Variants in NXPE4 observed in about 807,000 individuals in gnomAD.
NXPE4 encodes the protein neurexophilin and PC-esterase domain family member 4.
NXPE4 carries 42 observed loss-of-function variants against 33.3 expected under a neutral mutation model. The ratio of observed to expected loss-of-function variants is 1.26; its 90% CI spans 0.98 to 1.63. The LOEUF (loss-of-function observed/expected upper bound fraction) is 1.63. Among genes scored for constraint, NXPE4 ranks in the 40% most tolerant of loss-of-function variants. NXPE4 has a pLI of 0.00. For missense variants in NXPE4, 709 were observed against 647.6 expected, an observed-to-expected ratio of 1.09 and a Z score of -1.03; for synonymous variants, 253 against 234.9, an observed-to-expected ratio of 1.08 and a Z score of -0.71.
At chr11:114,599,920 GA>G (rs1310529785), upstream of NXPE4, among the ~76,000 whole-genome samples, 1 of 151,724 alleles carries the variant, frequency 6.6e-6, no homozygotes, top group Non-Finnish European at 1.5e-5. Flanking sequence ...ATAACCCATG[GA>G]ATTAAAAAAA....
the NXPE4 span, among the ~76,000 whole-genome samples, chr11:114,615,989 G>A: frequency 1.3e-5 from 2 of 149,990 alleles, no homozygotes; most frequent in Non-Finnish European, 3.0e-5. Context: ...TCGTGGAAAA[G>A]CACTGTGACC....
At chr11:114,608,789 T>G in the NXPE4 span, among the ~76,000 whole-genome samples, 3 of 142,068 alleles carry the variant, frequency 2.1e-5, no homozygotes, top group African/African-American at 5.3e-5. Context: ...ACGGTTACCC[T>G]GTGGAAAATA....
chr11:114,603,133 T>A, the NXPE4 span, among the ~76,000 whole-genome samples: 1 of 151,964 alleles, frequency 6.6e-6, no homozygotes, highest in Non-Finnish European at 1.5e-5. Context: ...ATCTAGTGGA[T>A]AATAATTATT....
the NXPE4 span, among the ~76,000 whole-genome samples, chr11:114,664,734 A>G: frequency 3.9e-5 from 6 of 152,308 alleles, no homozygotes; most frequent in Admixed American, 3.3e-4. Context: ...CGTACTTCCA[A>G]TTTTGAATTT....
the NXPE4 span, among the ~76,000 whole-genome samples, chr11:114,644,016 T>C: frequency 1.3e-5 from 2 of 152,102 alleles, no homozygotes; most frequent in African/African-American, 2.4e-5. Context: ...TTTTATTCTC[T>C]TTGCAGCAAT....
At chr11:114,670,344 C>A in the NXPE4 span, among the ~76,000 whole-genome samples, 1 of 151,972 alleles carries the variant, frequency 6.6e-6, no homozygotes, top group African/African-American at 2.4e-5. Flanking sequence ...GGAGCAATAT[C>A]AGAGACTATG....
In NXPE4 at chr11:114,575,991, A is replaced by G. The variant is rs370361160; in HGVS notation, c.1099+4141T>C. Among the ~76,000 whole-genome samples the G allele has an allele frequency of 1.1e-4, 16 of 152,352 alleles. No homozygotes were observed. In the South Asian group the frequency reaches 3.1e-3, roughly 30 times the overall value. ...GTCACTGAAACAGCATGGTACTGGC[A>G]TAAAAATAGGCACATAGACCAATGG... On this transcript the variant is annotated intron_variant, in intron 5 of 5. Coordinates refer to ENST00000375478, the MANE Select transcript of NXPE4 (RefSeq NM_001077639.2).
intron 5 of NXPE4, among the ~76,000 whole-genome samples, chr11:114,575,963 A>G (rs1290709546): frequency 6.6e-6 from 1 of 152,224 alleles, no homozygotes; most frequent in East Asian, 1.9e-4. Flanking sequence ...CTATAAGGCC[A>G]TAGTCACTGA....
At chr11:114,627,551 G>A in the NXPE4 span, among the ~76,000 whole-genome samples, 1 of 150,784 alleles carries the variant, frequency 6.6e-6, no homozygotes, top group Non-Finnish European at 1.5e-5. Flanking sequence ...ACCGGTACCA[G>A]CCACTGCAAA....
At chr11:114,588,056 A>G (rs1016576856) in intron 2 of NXPE4, among the ~76,000 whole-genome samples, 10 of 152,170 alleles carry the variant, frequency 6.6e-5, no homozygotes, top group African/African-American at 2.4e-4. Flanking sequence ...GCATTGCACA[A>G]TCAGCTCAGC....
chr11:114,594,009 G>C (rs1436617958), intron 2 of NXPE4, among the ~76,000 whole-genome samples: 1 of 152,070 alleles, frequency 6.6e-6, no homozygotes, highest in Non-Finnish European at 1.5e-5. Context: ...GTAGAATGAT[G>C]GCTACCAGAG....
the NXPE4 span, among the ~76,000 whole-genome samples, chr11:114,624,649 C>A: frequency 6.6e-6 from 1 of 151,954 alleles, no homozygotes. Context: ...ATAAGTATTG[C>A]CTTGTGGGTA....
the NXPE4 span, among the ~76,000 whole-genome samples, chr11:114,627,000 C>T: frequency 6.6e-5 from 10 of 151,924 alleles, no homozygotes; most frequent in South Asian, 6.3e-4. Context: ...ACAAAGCCTC[C>T]GAGAAATATG....
chr11:114,647,624 T>C, the NXPE4 span, among the ~76,000 whole-genome samples: 4 of 152,150 alleles, frequency 2.6e-5, no homozygotes, highest in Admixed American at 2.0e-4. Flanking sequence ...TTTCAGCTTC[T>C]GGATTATATA....
chr11:114,574,971 G>A (rs1223664813), intron 5 of NXPE4, among the ~76,000 whole-genome samples: 1 of 151,980 alleles, frequency 6.6e-6, no homozygotes, highest in Non-Finnish European at 1.5e-5. Flanking sequence ...AAATCCAATG[G>A]CATATCAAAA....
At chr11:114,603,327 G>A in the NXPE4 span, among the ~76,000 whole-genome samples, 1 of 150,732 alleles carries the variant, frequency 6.6e-6, no homozygotes, top group African/African-American at 2.4e-5. Context: ...TGGGTGATAA[G>A]TATTGCCTCA....
In NXPE4 at chr11:114,571,446, G is replaced by C. The variant is rs1280721280; in HGVS notation, c.1127C>G (p.Ser376Cys). ...NTLKSVDLHE[S>C]GKLQHQLAVD... ...AGCAAGCTGGTGTTGCAATTTTCCA[G>C]ATTCATGCAGATCCACTGACTTCAG... The change falls in exon 6 of 6, where the codon TCT becomes TGT. Residue 376 changes from serine (S) to cysteine (C), a missense_variant. Physicochemically the swap from Ser to Cys is moderately radical, Grantham distance 112. Transcript: ENST00000375478. The C allele has an allele frequency of 6.2e-7, 1 of 1,609,464 alleles. No individual in the cohort carries two copies. Among genetic ancestry groups the C allele is most frequent in the Admixed American group, 1.7e-5 (1 of 59,926 alleles).
chr11:114,577,125 A>C (rs1036025010), intron 5 of NXPE4, among the ~76,000 whole-genome samples: 4 of 142,904 alleles, frequency 2.8e-5, no homozygotes, highest in South Asian at 2.2e-4. Flanking sequence ...ATATATATAA[A>C]GTTATATATA....
chr11:114,572,171 T>C (rs1301716660), intron 5 of NXPE4, among the ~76,000 whole-genome samples: 2 of 152,024 alleles, frequency 1.3e-5, no homozygotes, highest in Non-Finnish European at 2.9e-5. Flanking sequence ...GGAAGGGGGA[T>C]TAAACCACAT....
Sources: gnomAD v4.1 joint callset for allele counts (sites outside exome capture counted in the v4.1 genomes callset) on GRCh38, gnomAD v4.1.1 for gene constraint, MANE v1.5 for transcripts, NCBI Gene and HGNC (gene_info 2026-07-23, HGNC 2026-07-21) for gene names.